LUZP2: variants seen among roughly 807,000 people sequenced by gnomAD.
The protein encoded by LUZP2 is leucine zipper protein 2.
A neutral mutation model predicts 51.6 loss-of-function variants in LUZP2; 52 were observed. The observed-to-expected ratio is 1.01, with a 90% CI of 0.81 to 1.27. The LOEUF is 1.27. Among genes scored for constraint, LUZP2 ranks in the 50% most tolerant of loss-of-function variants. The probability of loss-of-function intolerance (pLI) is 0.00; values close to 1 mark genes in which losing one functional copy is unlikely to be tolerated. For synonymous variants in LUZP2, 154 were observed against 137.3 expected, an observed-to-expected ratio of 1.12 and a Z score of -0.85; for missense variants, 436 against 395.4, an observed-to-expected ratio of 1.10 and a Z score of -0.87.
chr11:24,869,378 C>T (rs986234173), intron 5 of LUZP2, among the ~76,000 whole-genome samples: 2 of 152,056 alleles, frequency 1.3e-5, no homozygotes, highest in Admixed American at 1.3e-4. Flanking sequence ...ACCACTTTTC[C>T]AACAGCATTT....
chr11:24,788,837 T>G (rs1346582594), intron 5 of LUZP2, among the ~76,000 whole-genome samples: 1 of 152,092 alleles, frequency 6.6e-6, no homozygotes, highest in African/African-American at 2.4e-5. Context: ...AAAGTCTGTC[T>G]TTTGTTCTAT....
intron 7 of LUZP2, among the ~76,000 whole-genome samples, chr11:24,957,170 G>A (rs868523869): frequency 3.9e-5 from 6 of 151,948 alleles, no homozygotes; most frequent in African/African-American, 9.7e-5. Flanking sequence ...AGAAAAATGC[G>A]GTACCAAAAC....
At chr11:24,728,574 C>T (rs1297103181) in intron 1 of LUZP2, among the ~76,000 whole-genome samples, 1 of 151,936 alleles carries the variant, frequency 6.6e-6, no homozygotes, top group African/African-American at 2.4e-5. Context: ...TTGCCATTTA[C>T]TGACTAAAAC....
chr11:24,964,464 A>T (rs6484088), intron 7 of LUZP2, among the ~76,000 whole-genome samples: 1 of 151,972 alleles, frequency 6.6e-6, no homozygotes, highest in Non-Finnish European at 1.5e-5. Context: ...ATTAATTTTC[A>T]TAATTGATCA....
chr11:24,698,515 T>A (rs1203040404), intron 1 of LUZP2, among the ~76,000 whole-genome samples: 1 of 152,198 alleles, frequency 6.6e-6, no homozygotes, highest in African/African-American at 2.4e-5. Flanking sequence ...AGGATTTTGA[T>A]CTCTCTTGTT....
intron 1 of LUZP2, among the ~76,000 whole-genome samples, chr11:24,580,150 A>T (rs997978038): frequency 3.3e-5 from 5 of 152,104 alleles, no homozygotes; most frequent in Non-Finnish European, 5.9e-5. Context: ...ATGTTTAATG[A>T]TGTTACAATG....
chr11:25,030,619 G>T (rs568411246), intron 9 of LUZP2, among the ~76,000 whole-genome samples: 1 of 151,354 alleles, frequency 6.6e-6, no homozygotes, highest in Admixed American at 6.6e-5. Context: ...TTGCTGATCT[G>T]CTATAGCATT....
rs1301469365 is a variant in LUZP2 at position 25,004,870 on chromosome 11, C to T, written c.765+21577C>T. 2.0e-5 allele frequency among the ~76,000 whole-genome samples: 3 copies of T among 152,182 alleles called. No homozygotes were observed. In the East Asian group the frequency reaches 5.8e-4, roughly 29 times the overall value. Reference sequence around the variant, plus strand: ...TCTTCAGCTGTCATTCTGTCATTTACTTGACTAAGATACCAGGTATCTCCA... The same window carrying T: ...TCTTCAGCTGTCATTCTGTCATTTATTTGACTAAGATACCAGGTATCTCCA... On this transcript the variant is annotated intron_variant, in intron 9 of 11. Coordinates refer to ENST00000336930, the MANE Select transcript of LUZP2 (RefSeq NM_001009909.4).
At chr11:24,681,681 C>T (rs923813323) in intron 1 of LUZP2, among the ~76,000 whole-genome samples, 3 of 152,118 alleles carry the variant, frequency 2.0e-5, no homozygotes, top group African/African-American at 7.2e-5. Flanking sequence ...GGATAATTAG[C>T]TTCATTTTTA....
intron 7 of LUZP2, among the ~76,000 whole-genome samples, chr11:24,938,448 C>CT: frequency 6.6e-6 from 1 of 152,220 alleles, no homozygotes; most frequent in Admixed American, 6.5e-5. Context: ...CATCAGACTC[C>CT]TTTGCTATAA....
intron 1 of LUZP2, among the ~76,000 whole-genome samples, chr11:24,538,241 A>C (rs1450667927): frequency 6.6e-6 from 1 of 151,936 alleles, no homozygotes; most frequent in East Asian, 1.9e-4. Context: ...AATAGTAATA[A>C]TGAACTACTA....
At chr11:24,864,619 A>T (rs1275252917) in intron 5 of LUZP2, among the ~76,000 whole-genome samples, 1 of 152,210 alleles carries the variant, frequency 6.6e-6, no homozygotes. Flanking sequence ...GGTCAGATAC[A>T]TTAGGTGATT....
At chr11:24,919,963 T>G (rs1853979790) in intron 7 of LUZP2, among the ~76,000 whole-genome samples, 1 of 151,742 alleles carries the variant, frequency 6.6e-6, no homozygotes, top group Non-Finnish European at 1.5e-5. Flanking sequence ...TATGAATGAA[T>G]AAGTCCTACA....
chr11:24,685,323 C>G (rs1312015468), intron 1 of LUZP2, among the ~76,000 whole-genome samples: 1 of 152,156 alleles, frequency 6.6e-6, no homozygotes, highest in Non-Finnish European at 1.5e-5. Flanking sequence ...TGGCAAGTGA[C>G]TACCTGCAAC....
At chr11:24,709,207 C>T (rs1043045163) in intron 1 of LUZP2, among the ~76,000 whole-genome samples, 18 of 152,138 alleles carry the variant, frequency 1.2e-4, no homozygotes, top group South Asian at 2.1e-4. Flanking sequence ...ATTATATATG[C>T]GGCATTTTCA....
intron 9 of LUZP2, among the ~76,000 whole-genome samples, chr11:25,032,944 G>A (rs1032373474): frequency 6.6e-6 from 1 of 152,122 alleles, no homozygotes; most frequent in South Asian, 2.1e-4. Context: ...AACTTTTAGG[G>A]AATTATTTGT....
At chr11:24,895,499 C>A (rs1048591606) in intron 5 of LUZP2, among the ~76,000 whole-genome samples, 8 of 151,960 alleles carry the variant, frequency 5.3e-5, no homozygotes, top group South Asian at 2.1e-4. Context: ...GTCTTTAAAC[C>A]CTTGCCTGCC....
intron 4 of LUZP2, among the ~76,000 whole-genome samples, chr11:24,746,237 T>C (rs1369965330): frequency 6.6e-6 from 1 of 152,160 alleles, no homozygotes; most frequent in Non-Finnish European, 1.5e-5. Flanking sequence ...GTTCTTGTAG[T>C]GGTGGCTTGG....
intron 5 of LUZP2, among the ~76,000 whole-genome samples, chr11:24,857,236 C>G (rs944694874): frequency 8.7e-5 from 13 of 149,080 alleles, no homozygotes; most frequent in African/African-American, 3.2e-4. Context: ...CCATGTATCC[C>G]CACTCCCCTA....
Sources: gnomAD v4.1 joint callset for allele counts (sites outside exome capture counted in the v4.1 genomes callset) on GRCh38, gnomAD v4.1.1 for gene constraint, MANE v1.5 for transcripts, NCBI Gene and HGNC (gene_info 2026-07-23, HGNC 2026-07-21) for gene names.